Variants in COL14A1 observed in about 807,000 individuals in gnomAD.
The protein encoded by COL14A1 is collagen type XIV alpha 1 chain, also known as collagen alpha-1(XIV) chain.
Under a neutral mutation model 230.3 loss-of-function variants are expected in COL14A1, and 136 were observed. The observed-to-expected ratio is 0.59, with a 90% CI of 0.51 to 0.68. The LOEUF is 0.68. Among genes scored for constraint, COL14A1 ranks in the 30% least tolerant of loss-of-function variants. COL14A1 has a pLI of 0.00. For synonymous variants in COL14A1, 792 were observed against 784.1 expected (o/e 1.01, Z -0.17); for missense variants, 1,976 against 2,215.8 (o/e 0.89, Z 2.17).
chr8:120,278,167 CA>C lies in COL14A1; in HGVS notation c.3274del (p.Thr1092ProfsTer50). The C allele has an allele frequency of 1.2e-6, 2 of 1,611,950 alleles. No individual in the cohort carries two copies. The highest frequency in any genetic ancestry group is 1.7e-6 in the Non-Finnish European group (2 of 1,178,948). ...GAACAGAATTTAAACTAAATGCTTA[CA>C]AAACCAAAGAGACTCTTCTTGATGC... is the stretch of plus-strand genomic sequence containing the variant. ...PRTEFKLNAYKTKETLLDAIK... is the reference protein window; with the variant it reads ...PRTEFKLNAYXTKETLLDAIK... On this transcript the variant is annotated frameshift_variant, in exon 27 of 48. Transcript: ENST00000297848. LOFTEE classifies it high-confidence loss of function.
chr8:120,222,508 C>T (rs1249363228), intron 14 of COL14A1, among the ~76,000 whole-genome samples: 2 of 152,066 alleles, frequency 1.3e-5, no homozygotes, highest in Non-Finnish European at 2.9e-5. Context: ...CATGTGTGAC[C>T]CCTCAACTGG....
intron 25 of COL14A1, among the ~76,000 whole-genome samples, chr8:120,267,865 G>A (rs1819544384): frequency 6.6e-6 from 1 of 151,838 alleles, no homozygotes; most frequent in East Asian, 1.9e-4. Flanking sequence ...GATAACTTTG[G>A]TGAAATAGGG....
At chr8:120,294,717 A>G (rs1563722702) in intron 34 of COL14A1, among the ~76,000 whole-genome samples, 2 of 150,958 alleles carry the variant, frequency 1.3e-5, no homozygotes, top group Non-Finnish European at 3.0e-5. Flanking sequence ...TGTGCCTTGG[A>G]AAAAAAAAGT....
rs1820108679 is a variant in COL14A1, at chr8:120,283,672, A to G, written c.3861A>G (p.Thr1287=). Residue 1287 remains threonine, a synonymous_variant, in exon 32 of 48, where the codon ACA becomes ACG. Coordinates refer to ENST00000297848, the MANE Select transcript of COL14A1 (RefSeq NM_021110.4). ...CAGAAGGATTGCCCTCCGACTACAC[A>G]ATCAGTTTTCTATTCCGGATTCTTC... ...LHPEGLPSDY[T]ISFLFRILPD... The G allele has an allele frequency of 1.2e-6, 2 of 1,613,568 alleles. No homozygotes were observed. The highest frequency in any genetic ancestry group is 1.3e-5 in the African/African-American group (1 of 74,920).
intron 25 of COL14A1, among the ~76,000 whole-genome samples, chr8:120,268,280 T>G (rs894508457): frequency 1.3e-5 from 2 of 151,728 alleles, no homozygotes; most frequent in African/African-American, 4.8e-5. Flanking sequence ...GCTTCATATC[T>G]AGCCTTCTTT....
At chr8:120,185,684 G>A (rs533974864) in intron 5 of COL14A1, among the ~76,000 whole-genome samples, 2 of 152,064 alleles carry the variant, frequency 1.3e-5, no homozygotes, top group South Asian at 4.2e-4. Flanking sequence ...AAAAGAAGAA[G>A]AAAAAAATAG....
rs573577538 is a variant in COL14A1, at chr8:120,190,959, C to T, written c.437-5832C>T. 7.7e-3 allele frequency among the ~76,000 whole-genome samples: 1,143 copies of T among 147,808 alleles called. 13 individuals are homozygous for T. The highest frequency in any genetic ancestry group is 0.027 in the African/African-American group (1,091 of 39,710). The stretch of plus-strand genomic sequence containing the variant: ...TTTTCTTCTTTATTAGTCTTGCTAG[C>T]GGTCTATCAATTTTGTTGATCCTTT... On this transcript the variant is annotated intron_variant, in intron 5 of 47. Coordinates refer to ENST00000297848, the MANE Select transcript of COL14A1 (RefSeq NM_021110.4).
intron 23 of COL14A1, among the ~76,000 whole-genome samples, chr8:120,256,966 A>G (rs1440637179): frequency 6.6e-6 from 1 of 152,256 alleles, no homozygotes; most frequent in Admixed American, 6.5e-5. Flanking sequence ...ACAACGATGT[A>G]TAAAAACTGG....
At chr8:120,367,359 G>A (rs2130390791) in intron 46 of COL14A1, 111 bp downstream of exon 46, 1 of 847,544 alleles carries the variant, frequency 1.2e-6, no homozygotes, top group South Asian at 1.9e-5. Context: ...TTAAATGGCT[G>A]TATTTCTTAC....
At chr8:120,204,712 C>A (rs903216975) in intron 9 of COL14A1, among the ~76,000 whole-genome samples, 3 of 152,258 alleles carry the variant, frequency 2.0e-5, no homozygotes, top group African/African-American at 7.2e-5. Context: ...TGGATCATAT[C>A]CCGGTTGCAT....
chr8:120,140,484 TAAC>T (rs1433788073), intron 1 of COL14A1, among the ~76,000 whole-genome samples: 1 of 152,214 alleles, frequency 6.6e-6, no homozygotes, highest in Non-Finnish European at 1.5e-5. Flanking sequence ...ATACTATAAA[TAAC>T]AATCTCCCTC....
chr8:120,126,326 T>C (rs1416963295), intron 1 of COL14A1, among the ~76,000 whole-genome samples: 1 of 152,232 alleles, frequency 6.6e-6, no homozygotes, highest in African/African-American at 2.4e-5. Context: ...GGCTCAGGGT[T>C]GCTCTGCTAA....
chr8:120,205,316 G>A (rs1470169020), intron 9 of COL14A1, among the ~76,000 whole-genome samples: 8 of 152,086 alleles, frequency 5.3e-5, no homozygotes, highest in African/African-American at 1.7e-4. Context: ...GGAGCTCACC[G>A]CTGGGAGCTC....
chr8:120,346,243 C>T (rs959217096), intron 45 of COL14A1, among the ~76,000 whole-genome samples: 1 of 152,130 alleles, frequency 6.6e-6, no homozygotes, highest in African/African-American at 2.4e-5. Context: ...ATCTACAGGT[C>T]TTAGAAGTAT....
intron 38 of COL14A1, among the ~76,000 whole-genome samples, chr8:120,315,186 A>T (rs1404093377): frequency 1.3e-5 from 2 of 152,080 alleles, no homozygotes; most frequent in Non-Finnish European, 2.9e-5. Flanking sequence ...CCTGGCCAAC[A>T]TGATGAAACC....
chr8:120,248,720 G>A (rs1206586025), intron 21 of COL14A1, among the ~76,000 whole-genome samples: 1 of 151,912 alleles, frequency 6.6e-6, no homozygotes, highest in Non-Finnish European at 1.5e-5. Flanking sequence ...GCCAGGCATG[G>A]TGGCATGCAC....
chr8:120,260,719 G>GGA (rs1819295732), intron 23 of COL14A1, among the ~76,000 whole-genome samples: 1 of 152,106 alleles, frequency 6.6e-6, no homozygotes, highest in Non-Finnish European at 1.5e-5. Context: ...CAACAACAAT[G>GGA]CTCTGTGCCT....
At position 120,342,389 on chromosome 8, in the gene COL14A1, C is replaced by T; in HGVS notation, c.4831C>T (p.Gln1611Ter). Residue 1611 changes from glutamine (Q) to a stop codon, truncating the protein, a stop_gained, in exon 44 of 48, where the codon CAG becomes TAG. Transcript: ENST00000297848. LOFTEE classifies it high-confidence loss of function. ...KGERGERGDL[Q>*]SQAMVRSVAR... ...TTTTTTTCTCATCCAGGGTGACCTG[C>T]AGTCTCAAGCCATGGTGAGATCAGT... 6.2e-7 allele frequency: 1 copy of T among 1,613,924 alleles called. No individual in the cohort carries two copies. Among genetic ancestry groups the T allele is most frequent in the Non-Finnish European group, 8.5e-7 (1 of 1,179,832 alleles).
chr8:120,291,714 T>TCA (rs752969304), intron 34 of COL14A1, among the ~76,000 whole-genome samples: 18 of 152,100 alleles, frequency 1.2e-4, no homozygotes, highest in Non-Finnish European at 2.5e-4. Context: ...TAGTAGGCGT[T>TCA]CACTGAAGAG....
Sources: allele counts gnomAD v4.1 joint callset (sites outside exome capture counted in the v4.1 genomes callset), GRCh38; gene constraint gnomAD v4.1.1; transcripts MANE v1.5; gene names NCBI Gene and HGNC (gene_info 2026-07-23, HGNC 2026-07-21).